The following PIEZO1 variants were observed in gnomAD, a reference collection of about 807,000 sequenced individuals.
PIEZO1 encodes piezo type mechanosensitive ion channel component 1 (Er blood group), also known as piezo-type mechanosensitive ion channel component 1.
Under a neutral mutation model 297.2 loss-of-function variants are expected in PIEZO1, and 296 were observed. That is an observed-to-expected ratio of 1.00 (90% CI 0.91 to 1.10). The LOEUF is 1.10. PIEZO1 is among the 50% of genes least tolerant of loss of function. The pLI is 0.00. For missense variants in PIEZO1, 5,018 were observed against 3,455.5 expected, an observed-to-expected ratio of 1.45 and a Z score of -11.34; for synonymous variants, 2,427 against 1,507.5, an observed-to-expected ratio of 1.61 and a Z score of -14.13.
rs2142787143 is a variant in PIEZO1 at position 88,726,934 on chromosome 16, C to G, written c.3480G>C (p.Val1160=). The part of the protein sequence containing the change: ...HCRSYLDMLK[V]AVFRYLFWLV... ...GCCAGAACAGGTATCGGAAGACGGC[C>G]ACCTTCAGCATGTCAAGGTAGGACC... The change falls in exon 25 of 51, where the codon GTG becomes GTC. Residue 1160 remains valine (V), a synonymous_variant. Coordinates refer to ENST00000301015, the MANE Select transcript of PIEZO1 (RefSeq NM_001142864.4). The G allele has an allele frequency of 6.4e-7, 1 of 1,550,428 alleles. No individual in the cohort carries two copies. The highest frequency in any genetic ancestry group is 1.7e-4 in the Middle Eastern group (1 of 5,992).
intron 1 of PIEZO1, among the ~76,000 whole-genome samples, chr16:88,759,126 A>C (rs1427745027): frequency 6.6e-6 from 1 of 152,252 alleles, no homozygotes; most frequent in Admixed American, 6.5e-5. Context: ...GGACTGGAGG[A>C]AACAGACAGA....
At chr16:88,735,545 A>G (rs1161517941) in intron 12 of PIEZO1, among the ~76,000 whole-genome samples, 1 of 152,250 alleles carries the variant, frequency 6.6e-6, no homozygotes, top group African/African-American at 2.4e-5. Flanking sequence ...ACCTGCACAC[A>G]TGTCCACATG....
chr16:88,734,752 A>G lies in PIEZO1; in HGVS notation c.1895T>C (p.Leu632Pro), dbSNP rs1421350419. 1.9e-6 allele frequency: 3 copies of G among 1,550,118 alleles called. No individual in the cohort carries two copies. The highest frequency in any genetic ancestry group is 2.7e-5 in the African/African-American group (2 of 73,030). Residue 632 changes from leucine to proline, a missense_variant, in exon 15 of 51, where the codon CTC becomes CCC. Coordinates refer to ENST00000301015, the MANE Select transcript of PIEZO1 (RefSeq NM_001142864.4). ...GACCAGCATGGTGTAGGCCACCACGAGCCACCAGAAGGCCTTGAGCAGCTT... is the reference window on the plus strand; with the variant it reads ...GACCAGCATGGTGTAGGCCACCACGGGCCACCAGAAGGCCTTGAGCAGCTT... ...WRKLLKAFWW[L>P]VVAYTMLVLI...
At position 88,725,103 on chromosome 16, in the gene PIEZO1, T is replaced by C. The variant is rs1384745030; in HGVS notation, c.4163-23A>G. The C allele has an allele frequency of 3.4e-6, 5 of 1,491,796 alleles. No homozygotes were observed. The East Asian group carries it at 1.3e-4, about 40-fold the overall frequency. 92.4% of individuals were successfully genotyped at this position (1,491,796 alleles called of 1,614,324 possible). Reference sequence around the variant, plus strand: ...GCCCTGTGGAGGGGCAGGGTGAGCATGAGGCAGCAGTCAAGCCACCAGGAG... The same window carrying C: ...GCCCTGTGGAGGGGCAGGGTGAGCACGAGGCAGCAGTCAAGCCACCAGGAG... On this transcript the variant is annotated intron_variant, in intron 29 of 50. Transcript: ENST00000301015.
At chr16:88,777,163 G>T (rs1189807854) in intron 1 of PIEZO1, among the ~76,000 whole-genome samples, 1 of 152,236 alleles carries the variant, frequency 6.6e-6, no homozygotes, top group Non-Finnish European at 1.5e-5. Context: ...AGTAGGGACA[G>T]GGTTTTGCCA....
intron 1 of PIEZO1, among the ~76,000 whole-genome samples, chr16:88,757,578 T>G (rs1209385068): frequency 6.6e-6 from 1 of 152,120 alleles, no homozygotes; most frequent in East Asian, 1.9e-4. Context: ...CATCTCCACC[T>G]TCTCCAGGGC....
chr16:88,770,562 G>A (rs899705084), intron 1 of PIEZO1, among the ~76,000 whole-genome samples: 1 of 152,208 alleles, frequency 6.6e-6, no homozygotes, highest in African/African-American at 2.4e-5. Flanking sequence ...TAGTGCGGGG[G>A]CCCCGCCATG....
At chr16:88,748,997 G>A (rs977425101) in intron 2 of PIEZO1, among the ~76,000 whole-genome samples, 1 of 150,152 alleles carries the variant, frequency 6.7e-6, no homozygotes, top group Non-Finnish European at 1.5e-5. Flanking sequence ...CAGCACTTTG[G>A]GAGGCCGAGG....
rs1468320807 is a variant in PIEZO1 at position 88,723,975 on chromosome 16, T to G, written c.4235-4A>C. The G allele has an allele frequency of 6.6e-7, 1 of 1,521,998 alleles. No individual in the cohort carries two copies. The highest frequency in any genetic ancestry group is 8.9e-7 in the Non-Finnish European group (1 of 1,121,080). 94.3% of individuals were successfully genotyped at this position (1,521,998 alleles called of 1,614,324 possible). ...AAGTAGTCCCCGGAGTGGATGACTG[T>G]GGGCAGGCAGCACTGAGAGCCAGCC... is the stretch of plus-strand genomic sequence containing the variant. On this transcript the variant is annotated splice_polypyrimidine_tract_variant and splice_region_variant and intron_variant, in intron 30 of 50. Transcript: ENST00000301015.
rs371847339 is a variant in PIEZO1, at chr16:88,716,681, C to A, written c.6804G>T (p.Ala2268=). The A allele has an allele frequency of 5.2e-6, 8 of 1,548,882 alleles. No individual in the cohort carries two copies. The Admixed American group carries it at 7.8e-5, about 15-fold the overall frequency. The change falls in exon 47 of 51, where the codon GCG becomes GCT. Residue 2268 remains alanine, a synonymous_variant. Coordinates refer to ENST00000301015, the MANE Select transcript of PIEZO1 (RefSeq NM_001142864.4). ...SQYSPEDIVT[A]QIEGSSGALW... is the part of the protein sequence containing the mutation. ...GCGCCCCGGAGCTGCCCTCAATCTG[C>A]GCCGTGACGATGTCCTCAGGGCTGT...
intron 20 of PIEZO1, 22 bp from the exon 21 acceptor site, chr16:88,732,557 G>C: frequency 6.5e-7 from 1 of 1,543,546 alleles, no homozygotes; most frequent in Non-Finnish European, 8.8e-7. Flanking sequence ...AAGGGTCAGG[G>C]GGCAGCCGGG....
Position 88,738,069 on chromosome 16 carries a change from G to T in PIEZO1, c.885C>A (p.Asn295Lys), listed in dbSNP as rs2142833312. The change falls in exon 8 of 51, where the codon AAC becomes AAA. Residue 295 changes from asparagine to lysine, a missense_variant. By Grantham distance (94) the Asn-to-Lys change is moderately conservative. Coordinates refer to ENST00000301015, the MANE Select transcript of PIEZO1 (RefSeq NM_001142864.4). ...GGACCAGCGCGTGGGGGCTGGAGCA[G>T]TTGGTGGGACCCACGAAGTCCTTGA... The part of the protein sequence containing the change: ...LGLKDFVGPT[N>K]CSSPHALVLN... 1 of 1,535,870 alleles carries T rather than the reference G, an allele frequency of 6.5e-7. No individual in the cohort carries two copies. Among genetic ancestry groups the T allele is most frequent in the Middle Eastern group, 1.7e-4 (1 of 5,990 alleles).
In PIEZO1 at chr16:88,733,376, A is replaced by G; in HGVS notation, c.2566T>C (p.Cys856Arg). ...PYPRFRPMAS[C>R]LSTVWTCVII... ...ACGCAGGTCCACACGGTGGACAGGC[A>G]GGAGGCCATGGGCCGGAAGCGTGGG... Residue 856 changes from cysteine to arginine, a missense_variant, in exon 19 of 51, where the codon TGC (cysteine) becomes CGC (arginine). Transcript: ENST00000301015. The G allele has an allele frequency of 6.5e-7, 1 of 1,550,174 alleles. No homozygotes were observed. Among genetic ancestry groups the G allele is most frequent in the South Asian group, 1.2e-5 (1 of 84,062 alleles).
rs1041898682 is a variant in PIEZO1 at position 88,720,462 on chromosome 16, T to A, written c.5872A>T (p.Thr1958Ser). The change falls in exon 41 of 51, where the codon ACC (threonine) becomes TCC (serine). Residue 1958 changes from threonine to serine, a missense_variant. Coordinates refer to ENST00000301015, the MANE Select transcript of PIEZO1 (RefSeq NM_001142864.4). ...AGGAACATGAGGGCATAGACGTCGGTGGCTGCGCGGTACTTGGTGTGCAGG... is the reference window on the plus strand; with the variant it reads ...AGGAACATGAGGGCATAGACGTCGGAGGCTGCGCGGTACTTGGTGTGCAGG... ...DILHTKYRAA[T>S]DVYALMFLAD... 7 of 1,550,070 alleles carry A rather than the reference T, an allele frequency of 4.5e-6. No individual in the cohort carries two copies. In the Admixed American group the frequency reaches 1.4e-4, roughly 30 times the overall value.
intron 2 of PIEZO1, among the ~76,000 whole-genome samples, chr16:88,748,865 G>T (rs537567804): frequency 6.6e-6 from 1 of 150,934 alleles, no homozygotes; most frequent in African/African-American, 2.4e-5. Flanking sequence ...CCTGGGATGC[G>T]GAGGTTGCAG....
At chr16:88,760,219 G>A (rs975974481) in intron 1 of PIEZO1, among the ~76,000 whole-genome samples, 6 of 152,148 alleles carry the variant, frequency 3.9e-5, no homozygotes, top group South Asian at 2.1e-4. Context: ...CACGGGCTCC[G>A]CTCCCCCGGG....
Position 88,736,286 on chromosome 16 carries a change from A to G in PIEZO1, c.1419T>C (p.Tyr473=). The G allele has an allele frequency of 1.3e-6, 2 of 1,550,192 alleles. No individual in the cohort carries two copies. The highest frequency in any genetic ancestry group is 1.7e-6 in the Non-Finnish European group (2 of 1,146,854). ...AGCGTAGGCAGCACAGCGTCATCCC[A>G]TACAGCAGGATGCAGGGCGAGCACA... The part of the protein sequence containing the change: ...AMLCSPCILL[Y]GMTLCCLRYV... Residue 473 remains tyrosine, a synonymous_variant, in exon 12 of 51, where the codon TAT becomes TAC. Transcript: ENST00000301015.
chr16:88,742,389 C>T lies in PIEZO1; in HGVS notation c.194G>A (p.Gly65Asp). Residue 65 changes from glycine (G) to aspartate (D), a missense_variant, in exon 3 of 51, where the codon GGC (glycine) becomes GAC (aspartate). By Grantham distance (94) the Gly-to-Asp change is moderately conservative (BLOSUM62 -1). Transcript: ENST00000301015. ...GGCCACCAGGAAGAGCAGGCTGAGGCCCAGCAATGCCCGCAGGAGGCGGCC... is the reference window on the plus strand; with the variant it reads ...GGCCACCAGGAAGAGCAGGCTGAGGTCCAGCAATGCCCGCAGGAGGCGGCC... ...HTGRLLRALL[G>D]LSLLFLVAHL... 6.5e-7 allele frequency: 1 copy of T among 1,535,274 alleles called. No homozygotes were observed. Among genetic ancestry groups the T allele is most frequent in the South Asian group, 1.2e-5 (1 of 84,036 alleles).
chr16:88,735,741 C>T (rs895330818), intron 12 of PIEZO1, among the ~76,000 whole-genome samples: 3 of 152,274 alleles, frequency 2.0e-5, no homozygotes, highest in African/African-American at 7.2e-5. Flanking sequence ...ATGGCCTGCA[C>T]AGCTTGTCAC....
Sources: allele counts gnomAD v4.1 joint callset (sites outside exome capture counted in the v4.1 genomes callset), GRCh38; gene constraint gnomAD v4.1.1; transcripts MANE v1.5; gene names NCBI Gene and HGNC (gene_info 2026-07-23, HGNC 2026-07-21).